The following LRFN2 variants were observed in gnomAD, a reference collection of about 807,000 sequenced individuals.
LRFN2 encodes leucine rich repeat and fibronectin type III domain containing 2.
In LRFN2, 18 loss-of-function variants were observed where a neutral mutation model predicts 37.3. The observed-to-expected ratio is 0.48, with a 90% CI of 0.33 to 0.72. The LOEUF (loss-of-function observed/expected upper bound fraction) is 0.72, where lower values mean the gene tolerates loss of function less well. LRFN2 is among the 30% of genes least tolerant of loss of function. The pLI is 0.02. For missense variants in LRFN2, 1,006 were observed against 1,060.7 expected, an observed-to-expected ratio of 0.95 and a Z score of 0.72; for synonymous variants, 556 against 466.6, an observed-to-expected ratio of 1.19 and a Z score of -2.47.
At position 40,392,553 on chromosome 6, in the gene LRFN2, G is replaced by A; in HGVS notation, c.1760C>T (p.Pro587Leu). ...CGGGGCCCCGGCTGGTGCGCTGCTT[G>A]GAGGCGGTGGCTGGGCGCCGTTGGT... The part of the protein sequence containing the change: ...SQTNGAQPPP[P>L]SSAPAGAPPQ... The change falls in exon 3 of 3, where the codon CCA (proline) becomes CTA (leucine). Residue 587 changes from proline to leucine, a missense_variant. Physicochemically the swap from Pro to Leu is moderately conservative, Grantham distance 98. This residue lies in a region of LRFN2 where 398 missense variants were observed against 327.6 expected (regional missense o/e 1.21). Coordinates refer to ENST00000338305, the MANE Select transcript of LRFN2 (RefSeq NM_020737.3). The surrounding 1 kb of genome is among the most constrained non-coding windows in gnomAD (Gnocchi z 4.7). 1.3e-6 allele frequency: 2 copies of A among 1,597,158 alleles called. No homozygotes were observed. The highest frequency in any genetic ancestry group is 2.3e-5 in the East Asian group (1 of 44,116).
chr6:40,501,271 C>T (rs184630535), intron 1 of LRFN2, among the ~76,000 whole-genome samples: 196 of 151,866 alleles, frequency 1.3e-3, no homozygotes, highest in African/African-American at 4.1e-3. Context: ...GATATAGTTA[C>T]GGGTAATCTT....
At chr6:40,460,932 C>G (rs1420321143) in intron 1 of LRFN2, among the ~76,000 whole-genome samples, 1 of 152,156 alleles carries the variant, frequency 6.6e-6, no homozygotes, top group Non-Finnish European at 1.5e-5. Context: ...CCAGCTGAGT[C>G]TACGGAACAA....
chr6:40,551,956 G>GA (rs923845142), intron 1 of LRFN2, among the ~76,000 whole-genome samples: 6 of 150,060 alleles, frequency 4.0e-5, no homozygotes, highest in Non-Finnish European at 7.4e-5. Context: ...GAAGCCCAAA[G>GA]AAAAAAAAAG....
chr6:40,520,684 G>C (rs1415379396), intron 1 of LRFN2, among the ~76,000 whole-genome samples: 2 of 147,194 alleles, frequency 1.4e-5, no homozygotes, highest in East Asian at 1.9e-4. Flanking sequence ...AGCAAGGAGA[G>C]GGGCCTCTGG....
intron 2 of LRFN2, among the ~76,000 whole-genome samples, chr6:40,398,587 C>T (rs1244419248): frequency 6.6e-6 from 1 of 151,754 alleles, no homozygotes; most frequent in African/African-American, 2.4e-5. Context: ...ATGAAAAACA[C>T]GTCCCTGAAA....
At chr6:40,561,947 AACC>A (rs1158644033) in intron 1 of LRFN2, among the ~76,000 whole-genome samples, 4 of 152,140 alleles carry the variant, frequency 2.6e-5, no homozygotes, top group Non-Finnish European at 5.9e-5. Flanking sequence ...CTAAGCAGAA[AACC>A]ATCAGTCTTA....
chr6:40,398,279 G>A (rs1016320446), intron 2 of LRFN2, among the ~76,000 whole-genome samples: 1 of 151,888 alleles, frequency 6.6e-6, no homozygotes, highest in Non-Finnish European at 1.5e-5. Context: ...GTCCTCTGGG[G>A]GCAAAGTCAC....
At chr6:40,497,239 C>T (rs1014627510) in intron 1 of LRFN2, among the ~76,000 whole-genome samples, 5 of 152,182 alleles carry the variant, frequency 3.3e-5, no homozygotes, top group African/African-American at 9.7e-5. Flanking sequence ...CAGTTCCCCC[C>T]AGATGTCCCT....
intron 2 of LRFN2, among the ~76,000 whole-genome samples, chr6:40,406,669 C>A (rs369232084): frequency 2.6e-5 from 4 of 152,212 alleles, no homozygotes; most frequent in Non-Finnish European, 5.9e-5. Context: ...TCATGGGGGC[C>A]GTGGTCTGAC....
chr6:40,464,021 C>T (rs996797086), intron 1 of LRFN2, among the ~76,000 whole-genome samples: 43 of 152,146 alleles, frequency 2.8e-4, no homozygotes, highest in Admixed American at 2.4e-3. Flanking sequence ...AGTGTTAACT[C>T]GGACTTTACT....
intron 1 of LRFN2, among the ~76,000 whole-genome samples, chr6:40,572,411 G>A (rs892594978): frequency 2.0e-5 from 3 of 152,148 alleles, no homozygotes; most frequent in East Asian, 3.9e-4. Context: ...TGTTAAATGG[G>A]GGAGTGATGT....
intron 2 of LRFN2, among the ~76,000 whole-genome samples, chr6:40,422,851 G>A (rs1763260037): frequency 6.6e-6 from 1 of 152,126 alleles, no homozygotes; most frequent in Non-Finnish European, 1.5e-5. Context: ...ATCTCTTACT[G>A]GAGGGGGAAA....
chr6:40,470,247 T>C (rs976561841), intron 1 of LRFN2, among the ~76,000 whole-genome samples: 1 of 152,318 alleles, frequency 6.6e-6, no homozygotes, highest in Admixed American at 6.5e-5. Context: ...TGCCCACTCC[T>C]TCCACACCTG....
intron 1 of LRFN2, among the ~76,000 whole-genome samples, chr6:40,533,675 C>T (rs1766394049): frequency 6.6e-6 from 1 of 152,140 alleles, no homozygotes; most frequent in African/African-American, 2.4e-5. Flanking sequence ...AGAAGTAGCC[C>T]TTAGATGTGG....
At chr6:40,528,492 G>C (rs1360064583) in intron 1 of LRFN2, among the ~76,000 whole-genome samples, 2 of 152,190 alleles carry the variant, frequency 1.3e-5, no homozygotes, top group African/African-American at 2.4e-5. Flanking sequence ...TCCTTGTGGA[G>C]CTAAGGTGGA....
chr6:40,463,390 T>A (rs187178545), intron 1 of LRFN2, among the ~76,000 whole-genome samples: 2 of 152,288 alleles, frequency 1.3e-5, no homozygotes, highest in East Asian at 3.9e-4. Context: ...GCTCCTAGTT[T>A]CAGTATTTCA....
intron 1 of LRFN2, among the ~76,000 whole-genome samples, chr6:40,566,353 A>G (rs1162105177): frequency 6.6e-6 from 1 of 152,214 alleles, no homozygotes; most frequent in Non-Finnish European, 1.5e-5. Context: ...GGAACTAGAA[A>G]TACCATTAGA....
chr6:40,483,811 T>A (rs1461983113), intron 1 of LRFN2, among the ~76,000 whole-genome samples: 1 of 152,132 alleles, frequency 6.6e-6, no homozygotes, highest in South Asian at 2.1e-4. Context: ...TGAGACAGGT[T>A]CTGACATTAT....
chr6:40,519,134 T>C (rs1561891880), intron 1 of LRFN2, among the ~76,000 whole-genome samples: 1 of 152,204 alleles, frequency 6.6e-6, no homozygotes, highest in African/African-American at 2.4e-5. Flanking sequence ...GTGTTCACCA[T>C]AGATTATCAG....
Sources: gnomAD v4.1 joint callset for allele counts (sites outside exome capture counted in the v4.1 genomes callset) on GRCh38, gnomAD v4.1.1 for gene constraint, gnomAD v4.1.1 regional missense constraint, Gnocchi (gnomAD v3.1) non-coding constraint, MANE v1.5 for transcripts, NCBI Gene and HGNC (gene_info 2026-07-23, HGNC 2026-07-21) for gene names.